The following PCDHGA3 variants were observed in gnomAD, a reference collection of about 807,000 sequenced individuals.
PCDHGA3 encodes protocadherin gamma-A3.
In PCDHGA3, 40 loss-of-function variants were observed where a neutral mutation model predicts 58.5. The ratio of observed to expected loss-of-function variants is 0.68; its 90% CI spans 0.53 to 0.89. The LOEUF is 0.89. Among genes scored for constraint, PCDHGA3 ranks in the 40% least tolerant of loss-of-function variants. The pLI, the probability that PCDHGA3 is intolerant of heterozygous loss-of-function variation, is 0.00. For synonymous variants in PCDHGA3, 530 were observed against 525.7 expected (o/e 1.01, Z -0.11); for missense variants, 1,223 against 1,195.9 (o/e 1.02, Z -0.33).
At chr5:141,450,293 G>A (rs879439714) in intron 1 of PCDHGA3, among the ~76,000 whole-genome samples, 6 of 151,746 alleles carry the variant, frequency 4.0e-5, no homozygotes, top group Non-Finnish European at 7.4e-5. Flanking sequence ...GATTACAGGC[G>A]TGAGCCACCA....
At chr5:141,510,580 G>A (rs947369646) in intron 3 of PCDHGA3, among the ~76,000 whole-genome samples, 7 of 152,248 alleles carry the variant, frequency 4.6e-5, no homozygotes, top group South Asian at 2.1e-4. Flanking sequence ...ACTATTTTAC[G>A]TACCTGACAT....
At chr5:141,413,822 T>G in intron 1 of PCDHGA3, 1 of 1,613,216 alleles carries the variant, frequency 6.2e-7, no homozygotes, top group Non-Finnish European at 8.5e-7. Context: ...CACCTGGTCC[T>G]CACCGCCTCC....
chr5:141,397,975 G>T, intron 1 of PCDHGA3: 4 of 1,189,018 alleles, frequency 3.4e-6, no homozygotes, highest in Non-Finnish European at 4.6e-6. Flanking sequence ...CCCCAGCGCC[G>T]GCCTTTACAC....
At chr5:141,460,368 G>A (rs1005554535) in intron 1 of PCDHGA3, among the ~76,000 whole-genome samples, 1 of 152,050 alleles carries the variant, frequency 6.6e-6, no homozygotes. Context: ...AAGTTTTATA[G>A]TTTTACCATT....
chr5:141,506,801 C>A (rs1322016728), intron 3 of PCDHGA3, among the ~76,000 whole-genome samples: 2 of 152,166 alleles, frequency 1.3e-5, no homozygotes, highest in Non-Finnish European at 2.9e-5. Flanking sequence ...GGCAGAGGAT[C>A]AAGGCATTGC....
chr5:141,389,361 G>T (rs1460945767), intron 1 of PCDHGA3: 1 of 1,613,880 alleles, frequency 6.2e-7, no homozygotes, highest in South Asian at 1.1e-5. Context: ...CATGGCCAGT[G>T]ACCTGGAGCA....
chr5:141,351,167 T>C, intron 1 of PCDHGA3: 7 of 1,613,944 alleles, frequency 4.3e-6, no homozygotes, highest in Non-Finnish European at 5.9e-6. Context: ...CAATGGCACA[T>C]TGGATTTTGA....
intron 1 of PCDHGA3, among the ~76,000 whole-genome samples, chr5:141,434,766 A>T (rs1383531828): frequency 1.3e-5 from 2 of 151,012 alleles, no homozygotes; most frequent in Non-Finnish European, 3.0e-5. Context: ...CCCACTTCAC[A>T]CTTCTAAAAA....
intron 1 of PCDHGA3, chr5:141,371,815 T>C (rs966835739): frequency 1.2e-6 from 2 of 1,613,738 alleles, no homozygotes; most frequent in Non-Finnish European, 1.7e-6. Context: ...ATTGCGCATG[T>C]CAGAGCCTCG....
rs1460389320 is a variant in PCDHGA3 at position 141,490,134 on chromosome 5, C to T, written c.2425-4673C>T. The T allele has an allele frequency of 2.5e-6, 4 of 1,614,114 alleles. No homozygotes were observed. Among genetic ancestry groups the T allele is most frequent in the Admixed American group, 3.3e-5 (2 of 59,998 alleles). ...GGAACCTCTTTGGCCTAGACCCTAG[C>T]AGTGGGGCAATCCATGTGTTGGGTC... On this transcript the variant is annotated intron_variant, in intron 1 of 3. Coordinates refer to ENST00000253812, the MANE Select transcript of PCDHGA3 (RefSeq NM_018916.4). This position sits in a 1 kb window ranked among gnomAD's most constrained non-coding sequence, Gnocchi z 5.4.
At chr5:141,394,203 A>G (rs1380354099) in intron 1 of PCDHGA3, 1 of 1,613,814 alleles carries the variant, frequency 6.2e-7, no homozygotes, top group Non-Finnish European at 8.5e-7. Context: ...TATCCTAGAG[A>G]ACAACCTGAG....
intron 1 of PCDHGA3, chr5:141,407,979 T>G: frequency 1.3e-6 from 1 of 748,940 alleles, no homozygotes; most frequent in Non-Finnish European, 2.0e-6. Context: ...ACGCCGGGGA[T>G]CCGTCAGCCT....
intron 1 of PCDHGA3, chr5:141,352,373 C>G: frequency 6.2e-7 from 1 of 1,614,052 alleles, no homozygotes. Flanking sequence ...CGCGGTGATT[C>G]TAGCGATCGC....
intron 2 of PCDHGA3, among the ~76,000 whole-genome samples, chr5:141,495,601 G>C (rs1315613802): frequency 6.6e-6 from 1 of 152,004 alleles, no homozygotes; most frequent in Non-Finnish European, 1.5e-5. Context: ...CTTAGCTTCC[G>C]TCTTGATTGC....
intron 1 of PCDHGA3, among the ~76,000 whole-genome samples, chr5:141,460,981 G>A (rs35435563): frequency 1.6e-4 from 20 of 121,900 alleles, no homozygotes; most frequent in African/African-American, 3.7e-4. Context: ...GTGTGTGTGT[G>A]TGTATATATA....
Position 141,490,854 on chromosome 5 carries a change from C to T in PCDHGA3, c.2425-3953C>T. On this transcript the variant is annotated intron_variant, in intron 1 of 3. Transcript: ENST00000253812. The surrounding 1 kb of genome is among the most constrained non-coding windows in gnomAD (Gnocchi z 5.4). The stretch of plus-strand genomic sequence containing the variant: ...TGCAGATTGTGGTGGGGGTTCGAGA[C>T]TCCGGCTCTCCCCCATTGCATGCCA... 6.2e-7 allele frequency: 1 copy of T among 1,613,900 alleles called. No homozygotes were observed. The highest frequency in any genetic ancestry group is 8.5e-7 in the Non-Finnish European group (1 of 1,179,914).
At chr5:141,371,032 C>T (rs547337082) in intron 1 of PCDHGA3, 1 of 1,614,002 alleles carries the variant, frequency 6.2e-7, no homozygotes, top group Admixed American at 1.7e-5. Context: ...CTGGTCCTCA[C>T]AGCTGTGGAT....
chr5:141,363,028 C>A (rs1346880305), intron 1 of PCDHGA3, among the ~76,000 whole-genome samples: 1 of 152,190 alleles, frequency 6.6e-6, no homozygotes, highest in African/African-American at 2.4e-5. Flanking sequence ...GGACATTGTC[C>A]CATTGACTTG....
At chr5:141,374,428 T>A in intron 1 of PCDHGA3, 16 of 1,613,952 alleles carry the variant, frequency 9.9e-6, no homozygotes, top group Non-Finnish European at 1.4e-5. Context: ...ATAAACTGAA[T>A]CTTTATCCCG....
Sources: gnomAD v4.1 joint callset for allele counts (sites outside exome capture counted in the v4.1 genomes callset) on GRCh38, gnomAD v4.1.1 for gene constraint, Gnocchi (gnomAD v3.1) non-coding constraint, MANE v1.5 for transcripts, NCBI Gene and HGNC (gene_info 2026-07-23, HGNC 2026-07-21) for gene names.